MYT1L: variants seen among roughly 807,000 people sequenced by gnomAD.
MYT1L encodes the protein myelin transcription factor 1 like.
Under a neutral mutation model 126.7 loss-of-function variants are expected in MYT1L, and 12 were observed. The observed-to-expected ratio is 0.09, with a 90% confidence interval of 0.06 to 0.15. MYT1L has a LOEUF of 0.15. Ranked by LOEUF, MYT1L falls within the 10% of genes least tolerant of loss-of-function variation. The probability of loss-of-function intolerance (pLI) is 1.00; values close to 1 mark genes in which losing one functional copy is unlikely to be tolerated. For synonymous variants in MYT1L, 541 were observed against 604.2 expected, an observed-to-expected ratio of 0.90 and a Z score of 1.53; for missense variants, 979 against 1,585.2, an observed-to-expected ratio of 0.62 and a Z score of 6.49.
intron 11 of MYT1L, among the ~76,000 whole-genome samples, chr2:1,914,248 T>C (rs539545827): frequency 1.4e-4 from 21 of 151,820 alleles, no homozygotes; most frequent in African/African-American, 5.1e-4. Context: ...AGCGAGACTC[T>C]GTCTAAAAAA....
intron 5 of MYT1L, among the ~76,000 whole-genome samples, chr2:1,980,427 C>T (rs1378126937): frequency 1.3e-5 from 2 of 151,562 alleles, no homozygotes; most frequent in Admixed American, 6.6e-5. Flanking sequence ...TGGAAGAACA[C>T]GTTTTACCAT....
chr2:2,124,118 G>C (rs1324268895), intron 3 of MYT1L, among the ~76,000 whole-genome samples: 1 of 152,126 alleles, frequency 6.6e-6, no homozygotes, highest in African/African-American at 2.4e-5. Flanking sequence ...AATGCCCTTG[G>C]AGGACTCCCA....
intron 21 of MYT1L, among the ~76,000 whole-genome samples, chr2:1,812,527 T>G (rs1257041053): frequency 6.6e-6 from 1 of 151,976 alleles, no homozygotes; most frequent in Non-Finnish European, 1.5e-5. Context: ...CTCTGGAAGG[T>G]GCAGACTGAG....
intron 8 of MYT1L, among the ~76,000 whole-genome samples, chr2:1,967,099 GTCATCTGCATTATGGGTTCTT>G (rs1470267764): frequency 6.6e-6 from 1 of 152,162 alleles, no homozygotes; most frequent in East Asian, 1.9e-4. Flanking sequence ...ATAACAGGCT[GTCATCTGCATTATGGGTTCTT>G]TCATCATTTC....
At chr2:1,955,142 C>CAAA (rs111904216) in intron 8 of MYT1L, among the ~76,000 whole-genome samples, 3 of 117,028 alleles carry the variant, frequency 2.6e-5, no homozygotes, top group Non-Finnish European at 3.8e-5. Flanking sequence ...GAGTCCATCT[C>CAAA]AAAAAAAAAA....
chr2:1,977,020 TTTC>T (rs1464579053), intron 8 of MYT1L, among the ~76,000 whole-genome samples: 4 of 152,200 alleles, frequency 2.6e-5, no homozygotes, highest in African/African-American at 9.7e-5. Flanking sequence ...AATAGTTCTT[TTTC>T]AACTATACCA....
chr2:1,844,306 G>T (rs975840563), intron 19 of MYT1L, among the ~76,000 whole-genome samples: 3 of 152,070 alleles, frequency 2.0e-5, no homozygotes, highest in Non-Finnish European at 4.4e-5. Flanking sequence ...CCTTTATACT[G>T]CTTACTTCTT....
At chr2:2,166,742 G>C (rs920428969) in intron 3 of MYT1L, among the ~76,000 whole-genome samples, 7 of 152,160 alleles carry the variant, frequency 4.6e-5, no homozygotes, top group African/African-American at 1.7e-4. Context: ...GAATGAACAA[G>C]AACAATGAAA....
intron 2 of MYT1L, among the ~76,000 whole-genome samples, chr2:2,219,924 C>T (rs532584977): frequency 4.8e-5 from 7 of 145,106 alleles, no homozygotes; most frequent in Admixed American, 2.0e-4. Context: ...CTTTATGTCA[C>T]GAAGGAATAA....
intron 2 of MYT1L, among the ~76,000 whole-genome samples, chr2:2,283,168 T>C (rs1212060472): frequency 6.6e-6 from 1 of 152,240 alleles, no homozygotes; most frequent in Non-Finnish European, 1.5e-5. Context: ...TTGACCCATG[T>C]TAATTTAAAA....
intron 21 of MYT1L, among the ~76,000 whole-genome samples, chr2:1,822,689 G>C (rs1395413157): frequency 6.6e-6 from 1 of 152,168 alleles, no homozygotes; most frequent in Non-Finnish European, 1.5e-5. Flanking sequence ...GAGTGTCAGG[G>C]GCTGAGGTGC....
At chr2:2,052,388 T>C (rs143325470) in intron 4 of MYT1L, among the ~76,000 whole-genome samples, 68 of 152,286 alleles carry the variant, frequency 4.5e-4, no homozygotes, top group African/African-American at 1.5e-3. Context: ...CAATGATTGA[T>C]TGGATATGAT....
intron 2 of MYT1L, among the ~76,000 whole-genome samples, chr2:2,202,329 A>G (rs1281745026): frequency 6.6e-6 from 1 of 152,216 alleles, no homozygotes; most frequent in Non-Finnish European, 1.5e-5. Context: ...CAATGAATCC[A>G]GGAGCTGGTT....
At chr2:2,044,200 T>C (rs1158738801) in intron 4 of MYT1L, among the ~76,000 whole-genome samples, 4 of 152,218 alleles carry the variant, frequency 2.6e-5, no homozygotes, top group Admixed American at 2.6e-4. Flanking sequence ...CAAATAGATA[T>C]ATACAATGGC....
intron 16 of MYT1L, among the ~76,000 whole-genome samples, chr2:1,888,539 T>C (rs2048433669): frequency 6.6e-6 from 1 of 152,230 alleles, no homozygotes; most frequent in African/African-American, 2.4e-5. Context: ...TCTATTGTAC[T>C]AAAAACACAT....
intron 2 of MYT1L, among the ~76,000 whole-genome samples, chr2:2,189,907 G>A (rs1394550132): frequency 1.3e-5 from 2 of 148,202 alleles, no homozygotes; most frequent in African/African-American, 5.1e-5. Context: ...CGGGGAGAAG[G>A]AGCGTTCTCA....
In MYT1L at chr2:2,143,639, C is replaced by T. The variant is rs2084381158; in HGVS notation, c.-304+29233G>A. Among the ~76,000 whole-genome samples, 3 of 151,866 alleles carry T rather than the reference C, an allele frequency of 2.0e-5. No individual in the cohort carries two copies. In the South Asian group the frequency reaches 6.2e-4, roughly 32 times the overall value. On this transcript the variant is annotated intron_variant, in intron 3 of 24. Coordinates refer to ENST00000647738, the MANE Select transcript of MYT1L (RefSeq NM_001303052.2). ...GGCAGAGGTGGGTCATTTGGGAGGCCCAGGTGTTAGAGGGGACAGAAGGCT... is the reference window on the plus strand; with the variant it reads ...GGCAGAGGTGGGTCATTTGGGAGGCTCAGGTGTTAGAGGGGACAGAAGGCT...
At chr2:1,900,978 G>A (rs1238867828) in intron 14 of MYT1L, among the ~76,000 whole-genome samples, 2 of 152,140 alleles carry the variant, frequency 1.3e-5, no homozygotes, top group Admixed American at 6.5e-5. Flanking sequence ...ATCCTGTCTC[G>A]GCTGATCTTC....
chr2:1,794,770 C>T (rs529139970), intron 23 of MYT1L, among the ~76,000 whole-genome samples: 14 of 152,272 alleles, frequency 9.2e-5, no homozygotes, highest in African/African-American at 3.1e-4. Flanking sequence ...ATGGGGGTGG[C>T]GGGGCTCCCA....
Sources: gnomAD v4.1 joint callset for allele counts (sites outside exome capture counted in the v4.1 genomes callset) on GRCh38, gnomAD v4.1.1 for gene constraint, MANE v1.5 for transcripts, NCBI Gene and HGNC (gene_info 2026-07-23, HGNC 2026-07-21) for gene names.